FAM114A1: variants seen among roughly 807,000 people sequenced by gnomAD.
FAM114A1 encodes the protein family with sequence similarity 114 member A1.
A neutral mutation model predicts 64.3 loss-of-function variants in FAM114A1; 62 were observed. The observed-to-expected ratio is 0.96, with a 90% CI of 0.79 to 1.19. FAM114A1 has a LOEUF of 1.19. FAM114A1 is among the 50% of genes most tolerant of loss of function. The pLI is 0.00. For synonymous variants in FAM114A1, 254 were observed against 251.1 expected (o/e 1.01, Z -0.11); for missense variants, 645 against 676.3 (o/e 0.95, Z 0.51).
At chr4:38,930,833 C>T (rs915229835) in intron 10 of FAM114A1, among the ~76,000 whole-genome samples, 1 of 152,140 alleles carries the variant, frequency 6.6e-6, no homozygotes. Context: ...TTTTGCAGGG[C>T]ACAGAGTGCG....
chr4:38,936,548 A>ATTT (rs761417840), intron 13 of FAM114A1, among the ~76,000 whole-genome samples: 43 of 110,306 alleles, frequency 3.9e-4, no homozygotes, highest in Middle Eastern at 6.8e-3. Context: ...AAGAGTTTTC[A>ATTT]TTTTTTTTTT....
intron 13 of FAM114A1, among the ~76,000 whole-genome samples, chr4:38,938,087 G>A (rs1338741628): frequency 6.6e-6 from 1 of 152,202 alleles, no homozygotes; most frequent in East Asian, 1.9e-4. Flanking sequence ...AGTGACAGCA[G>A]TTCCTAACCC....
chr4:38,937,758 C>T lies in FAM114A1; in HGVS notation c.1536+1968C>T, dbSNP rs565093168. 1.1e-4 allele frequency among the ~76,000 whole-genome samples: 17 copies of T among 152,072 alleles called. No homozygotes were observed. The Middle Eastern group carries it at 0.01, about 91-fold the overall frequency. ...ACACTCTTTTTTTATTTTTTGAAAC[C>T]GTGTCTTGCTCTGTCGCCCAGGCTG... On this transcript the variant is annotated intron_variant, in intron 13 of 14. Transcript: ENST00000358869.
At chr4:38,907,958 G>A (rs541564481) in intron 6 of FAM114A1, among the ~76,000 whole-genome samples, 2 of 152,216 alleles carry the variant, frequency 1.3e-5, no homozygotes, top group South Asian at 2.1e-4. Context: ...ATTTGCAGGA[G>A]GATAGCTATA....
At chr4:38,917,292 C>T (rs923518210) in intron 8 of FAM114A1, among the ~76,000 whole-genome samples, 9 of 151,734 alleles carry the variant, frequency 5.9e-5, no homozygotes, top group African/African-American at 2.2e-4. Context: ...AAGCCGAGAT[C>T]GTGCCACTGC....
rs10014670 is a variant in FAM114A1, at chr4:38,932,279, G to A, written c.1368G>A (p.Ala456=). Residue 456 remains alanine, a synonymous_variant, in exon 12 of 15, where the codon GCG becomes GCA. Transcript: ENST00000358869. ...SSIESLAEVT[A]RCIEQLHKVA... is the part of the protein sequence containing the mutation. ...TTGAAAGTCTGGCGGAGGTAACAGCGCGCTGTATTGAGCAGCTTCATAAAG... is the reference window on the plus strand; with the variant it reads ...TTGAAAGTCTGGCGGAGGTAACAGCACGCTGTATTGAGCAGCTTCATAAAG... The A allele has an allele frequency of 4.0e-5, 64 of 1,613,386 alleles. No homozygotes were observed. The highest frequency in any genetic ancestry group is 1.1e-4 in the East Asian group (5 of 44,894).
intron 4 of FAM114A1, among the ~76,000 whole-genome samples, chr4:38,899,950 G>A (rs1254768641): frequency 6.6e-6 from 1 of 151,926 alleles, no homozygotes; most frequent in South Asian, 2.1e-4. Context: ...GACCTTATAA[G>A]CTCATACACT....
At position 38,867,926 on chromosome 4, in the gene FAM114A1, C is replaced by A. The variant is rs146284068; in HGVS notation, c.-158+92C>A. ...CCCGGGGGTGGTGGGAACACCATAC[C>A]TTGGCGCCTCGTCCGGGACCCACGA... On this transcript the variant is annotated intron_variant, in intron 1 of 14. Transcript: ENST00000358869. 767 of 240,898 alleles carry A rather than the reference C, an allele frequency of 3.2e-3. 13 individuals are homozygous for A. In the East Asian group the frequency reaches 0.043, roughly 14 times the overall value. The allele number at this position is 240,898 out of a possible 1,614,324, so 14.9% of individuals were successfully genotyped here. A position where few individuals can be genotyped will look rare whatever the true frequency, so the allele number is the denominator to read the frequency against.
At chr4:38,923,997 G>A (rs1482143445) in intron 9 of FAM114A1, among the ~76,000 whole-genome samples, 1 of 152,152 alleles carries the variant, frequency 6.6e-6, no homozygotes, top group Admixed American at 6.5e-5. Flanking sequence ...TTTTGTGTAG[G>A]TTATGCTGAA....
chr4:38,881,455 A>G (rs959153282), intron 3 of FAM114A1, among the ~76,000 whole-genome samples: 2 of 152,156 alleles, frequency 1.3e-5, no homozygotes, highest in Admixed American at 1.3e-4. Flanking sequence ...CTGGCCACAG[A>G]GTCGGGCCCG....
intron 8 of FAM114A1, among the ~76,000 whole-genome samples, chr4:38,918,409 C>G (rs1386148074): frequency 1.3e-5 from 2 of 152,152 alleles, no homozygotes; most frequent in Non-Finnish European, 2.9e-5. Context: ...TTCCAAGGTA[C>G]ACAGGCCTCC....
intron 3 of FAM114A1, among the ~76,000 whole-genome samples, chr4:38,889,449 G>T (rs1051681282): frequency 2.0e-5 from 3 of 152,094 alleles, no homozygotes; most frequent in Admixed American, 6.5e-5. Context: ...AGTCTTAAAA[G>T]CATAGTTTCT....
At chr4:38,890,136 TG>T (rs1277432686) in intron 3 of FAM114A1, among the ~76,000 whole-genome samples, 1 of 152,164 alleles carries the variant, frequency 6.6e-6, no homozygotes, top group Non-Finnish European at 1.5e-5. Context: ...CTGGGCATGG[TG>T]GCTCACACCT....
intron 4 of FAM114A1, among the ~76,000 whole-genome samples, chr4:38,894,162 CAAAAAAAA>C (rs60660305): frequency 7.8e-4 from 63 of 80,360 alleles, no homozygotes; most frequent in East Asian, 2.1e-3. Context: ...GAGTATGTCT[CAAAAAAAA>C]AAAAAAAAAA....
Position 38,945,314 on chromosome 4 carries a change from A to C in FAM114A1, c.*1757A>C, listed in dbSNP as rs1312697916. On this transcript the variant is annotated 3_prime_UTR_variant, in exon 15 of 15. Coordinates refer to ENST00000358869, the MANE Select transcript of FAM114A1 (RefSeq NM_138389.4). The stretch of plus-strand genomic sequence containing the variant: ...TATATTGATCCATGGGAGGCTGCAC[A>C]GAAGACCCTGCGGCCAGGAGGGGCA... 1 of 150,432 alleles carries C rather than the reference A, an allele frequency of 6.6e-6. No homozygotes were observed. The highest frequency in any genetic ancestry group is 1.9e-4 in the East Asian group (1 of 5,196). 9.3% of individuals were successfully genotyped at this position (150,432 alleles called of 1,614,324 possible). A position where few individuals can be genotyped will look rare whatever the true frequency, so the allele number is the denominator to read the frequency against.
chr4:38,868,029 C>A, intron 1 of FAM114A1, 195 bp downstream of exon 1: 2 of 424,330 alleles, frequency 4.7e-6, no homozygotes, highest in Non-Finnish European at 4.8e-6. Context: ...GCGGCGCGGC[C>A]GAGGGACCTG....
intron 2 of FAM114A1, among the ~76,000 whole-genome samples, chr4:38,871,934 G>T (rs1038090721): frequency 1.3e-5 from 2 of 152,226 alleles, no homozygotes; most frequent in African/African-American, 2.4e-5. Context: ...CCTGCATTCA[G>T]CTAGAGAACC....
At chr4:38,905,392 C>G (rs1717888136) in intron 4 of FAM114A1, 130 bp from the exon 5 acceptor site, 9 of 676,796 alleles carry the variant, frequency 1.3e-5, no homozygotes, top group Non-Finnish European at 2.2e-5. Context: ...GAGCAAGACT[C>G]CATCTTTTAA....
At chr4:38,875,691 G>T (rs1714545977) in intron 2 of FAM114A1, among the ~76,000 whole-genome samples, 1 of 152,060 alleles carries the variant, frequency 6.6e-6, no homozygotes, top group Non-Finnish European at 1.5e-5. Context: ...TTCCACTATT[G>T]TGTTGAATAG....
Sources: allele counts gnomAD v4.1 joint callset (sites outside exome capture counted in the v4.1 genomes callset), GRCh38; gene constraint gnomAD v4.1.1; transcripts MANE v1.5; gene names NCBI Gene and HGNC (gene_info 2026-07-23, HGNC 2026-07-21).